SDHB: variants seen among roughly 807,000 people sequenced by gnomAD.
The protein encoded by SDHB is succinate dehydrogenase [ubiquinone] iron-sulfur subunit, mitochondrial.
A neutral mutation model predicts 39.7 loss-of-function variants in SDHB; 21 were observed. The ratio of observed to expected loss-of-function variants is 0.53; its 90% CI spans 0.37 to 0.76. The LOEUF is 0.76. SDHB is among the 30% of genes least tolerant of loss of function. The probability of loss-of-function intolerance (pLI) is 0.00; values close to 1 mark genes in which losing one functional copy is unlikely to be tolerated. For missense variants in SDHB, 343 were observed against 350.9 expected, an observed-to-expected ratio of 0.98 and a Z score of 0.18; for synonymous variants, 118 against 117.0, an observed-to-expected ratio of 1.01 and a Z score of -0.06.
chr1:17,047,552 G>A (rs1007562668), intron 1 of SDHB, among the ~76,000 whole-genome samples: 3 of 149,324 alleles, frequency 2.0e-5, no homozygotes, highest in Admixed American at 6.6e-5. Flanking sequence ...GTGTGGTGGC[G>A]TGTGCCTGTA....
intron 6 of SDHB, 26 bp downstream of exon 6, chr1:17,023,947 C>A (rs201205099): frequency 2.4e-5 from 37 of 1,555,270 alleles, no homozygotes; most frequent in Admixed American, 2.2e-4. Flanking sequence ...TTCAATTTCT[C>A]TTAAAGCAAT....
intron 7 of SDHB, among the ~76,000 whole-genome samples, chr1:17,020,649 C>T (rs1373829209): frequency 6.6e-6 from 1 of 152,214 alleles, no homozygotes; most frequent in Non-Finnish European, 1.5e-5. Context: ...CAAACAAGCC[C>T]AGTACTCATG....
intron 3 of SDHB, among the ~76,000 whole-genome samples, chr1:17,030,901 C>T (rs996589227): frequency 6.6e-6 from 1 of 151,628 alleles, no homozygotes; most frequent in Admixed American, 6.6e-5. Flanking sequence ...AGGCTGGTCT[C>T]GAACTCTGAC....
rs1364076338 is a variant in SDHB, at chr1:17,044,929, G to C, written c.73-41C>G. On this transcript the variant is annotated intron_variant, in intron 1 of 7. Coordinates refer to ENST00000375499, the MANE Select transcript of SDHB (RefSeq NM_003000.3). ...GTTCACAAAAAGGAAAAAAAAATTA[G>C]AAATACAAGATAATTCCATTTTGCT... 3.8e-6 allele frequency: 6 copies of C among 1,583,142 alleles called. No individual in the cohort carries two copies. The highest frequency in any genetic ancestry group is 5.2e-6 in the Non-Finnish European group (6 of 1,157,544).
chr1:17,042,954 G>GTTTTTTTT lies in SDHB; in HGVS notation c.200+1799_200+1806dup, dbSNP rs143394198. The stretch of plus-strand genomic sequence containing the variant: ...AGCAGTAGGGTTTTTTGTTTTATGA[G>GTTTTTTTT]TTTTTTTTTTTTTTTTTTTTTTTTT... On this transcript the variant is annotated intron_variant, in intron 2 of 7. Transcript: ENST00000375499. 2.3e-3 allele frequency among the ~76,000 whole-genome samples: 145 copies of GTTTTTTTT among 62,898 alleles called. 21 individuals carry two copies. Among genetic ancestry groups the GTTTTTTTT allele is most frequent in the Non-Finnish European group, 3.0e-3 (114 of 37,708 alleles). 41.3% of individuals were successfully genotyped at this position (62,898 alleles called of 152,430 possible). A position where few individuals can be genotyped will look rare whatever the true frequency, so the allele number is the denominator to read the frequency against.
chr1:17,045,174 C>T (rs1027370945), intron 1 of SDHB: 8 of 416,056 alleles, frequency 1.9e-5, no homozygotes, highest in East Asian at 5.3e-5. Flanking sequence ...TAAACATTCA[C>T]GATGAATATA....
At chr1:17,052,014 T>TTATG (rs74676562) in intron 1 of SDHB, among the ~76,000 whole-genome samples, 1 of 151,148 alleles carries the variant, frequency 6.6e-6, no homozygotes, top group Non-Finnish European at 1.5e-5. Flanking sequence ...GCTAATTTTT[T>TTATG]TTTTATTTTT....
At chr1:17,031,854 T>A (rs2078025248) in intron 3 of SDHB, among the ~76,000 whole-genome samples, 1 of 152,202 alleles carries the variant, frequency 6.6e-6, no homozygotes, top group Non-Finnish European at 1.5e-5. Flanking sequence ...ATCTGGAGTC[T>A]GGAGTCTGAC....
chr1:17,030,972 T>A (rs7513044), intron 3 of SDHB, among the ~76,000 whole-genome samples: 146,871 of 147,562 alleles, frequency 1, 73,094 homozygotes, highest in East Asian at 1. Flanking sequence ...TTTTTTTTTT[T>A]AATGGAAAGG....
intron 5 of SDHB, among the ~76,000 whole-genome samples, chr1:17,027,297 A>G (rs1328631096): frequency 6.6e-6 from 1 of 152,254 alleles, no homozygotes; most frequent in Non-Finnish European, 1.5e-5. Flanking sequence ...GATCACCAGA[A>G]GTATGGTGTC....
At chr1:17,034,852 T>C (rs1365407772) in intron 2 of SDHB, among the ~76,000 whole-genome samples, 1 of 152,238 alleles carries the variant, frequency 6.6e-6, no homozygotes, top group African/African-American at 2.4e-5. Context: ...ATGTTTGTCA[T>C]AAATTTACTA....
At chr1:17,053,624 C>T (rs773251132) in intron 1 of SDHB, among the ~76,000 whole-genome samples, 1 of 152,152 alleles carries the variant, frequency 6.6e-6, no homozygotes, top group African/African-American at 2.4e-5. Context: ...ACTCCAATGT[C>T]TGGATTCAAA....
intron 7 of SDHB, among the ~76,000 whole-genome samples, chr1:17,019,808 A>G (rs141722701): frequency 1.3e-5 from 2 of 152,238 alleles, no homozygotes; most frequent in East Asian, 3.9e-4. Flanking sequence ...ATCATAGTTC[A>G]CTGTGGCCTG....
intron 3 of SDHB, among the ~76,000 whole-genome samples, chr1:17,029,334 G>T (rs770676771): frequency 2.0e-5 from 3 of 151,896 alleles, no homozygotes; most frequent in Non-Finnish European, 4.4e-5. Context: ...TGTTGCCCAG[G>T]CTGGGCTTGA....
chr1:17,035,633 C>T (rs1050812840), intron 2 of SDHB, among the ~76,000 whole-genome samples: 18 of 151,996 alleles, frequency 1.2e-4, no homozygotes, highest in Non-Finnish European at 2.2e-4. Flanking sequence ...GAGGCCTTGG[C>T]GGGTGGATCA....
intron 2 of SDHB, among the ~76,000 whole-genome samples, chr1:17,042,185 G>A (rs1044213620): frequency 2.0e-5 from 3 of 152,102 alleles, no homozygotes; most frequent in Admixed American, 1.3e-4. Flanking sequence ...GCACCCAGTC[G>A]GATTGTGGTT....
chr1:17,051,479 A>G (rs2101548791), intron 1 of SDHB, among the ~76,000 whole-genome samples: 1 of 152,236 alleles, frequency 6.6e-6, no homozygotes, highest in East Asian at 1.9e-4. Flanking sequence ...GAAGGTGGGG[A>G]AATAGAGAGG....
intron 2 of SDHB, among the ~76,000 whole-genome samples, chr1:17,039,822 A>C (rs1195817569): frequency 1.3e-5 from 2 of 152,124 alleles, no homozygotes; most frequent in Non-Finnish European, 2.9e-5. Context: ...TATATTACAG[A>C]ATATAATATA....
intron 1 of SDHB, among the ~76,000 whole-genome samples, chr1:17,049,507 G>A (rs1320486790): frequency 1.3e-5 from 2 of 151,704 alleles, no homozygotes; most frequent in Non-Finnish European, 1.5e-5. Flanking sequence ...CATTTGGCCA[G>A]GCTGGGCTCA....
Sources: gnomAD v4.1 joint callset for allele counts (sites outside exome capture counted in the v4.1 genomes callset) on GRCh38, gnomAD v4.1.1 for gene constraint, MANE v1.5 for transcripts, NCBI Gene and HGNC (gene_info 2026-07-23, HGNC 2026-07-21) for gene names.